The following NR3C1 variants were observed in gnomAD, a reference collection of about 807,000 sequenced individuals.
NR3C1 encodes nuclear receptor subfamily 3 group C member 1, also known as glucocorticoid receptor.
In NR3C1, 14 loss-of-function variants were observed where a neutral mutation model predicts 74.0. The observed-to-expected ratio is 0.19, with a 90% confidence interval of 0.12 to 0.30. NR3C1 has a LOEUF of 0.30. Among genes scored for constraint, NR3C1 ranks in the 10% least tolerant of loss-of-function variants. The probability of loss-of-function intolerance (pLI) is 1.00; values close to 1 mark genes in which losing one functional copy is unlikely to be tolerated. For missense variants in NR3C1, 695 were observed against 909.8 expected, an observed-to-expected ratio of 0.76 and a Z score of 3.04; for synonymous variants, 308 against 332.5, an observed-to-expected ratio of 0.93 and a Z score of 0.80.
intron 2 of NR3C1, among the ~76,000 whole-genome samples, chr5:143,392,519 GTTTT>G (rs200004760): frequency 4.9e-4 from 73 of 149,054 alleles, no homozygotes; most frequent in Admixed American, 3.0e-3. Flanking sequence ...AGGTTTCCTG[GTTTT>G]TTTTTTCTTT....
chr5:143,367,237 A>G (rs985386190), intron 2 of NR3C1, among the ~76,000 whole-genome samples: 1 of 152,236 alleles, frequency 6.6e-6, no homozygotes, highest in Admixed American at 6.5e-5. Context: ...AAAAGAAAAC[A>G]CTCAACAAAC....
chr5:143,386,033 A>G (rs1176121940), intron 2 of NR3C1, among the ~76,000 whole-genome samples: 1 of 152,230 alleles, frequency 6.6e-6, no homozygotes, highest in Non-Finnish European at 1.5e-5. Context: ...AACAGGAAGC[A>G]TTACTGGGAG....
chr5:143,368,864 C>T (rs1314723951), intron 2 of NR3C1, among the ~76,000 whole-genome samples: 1 of 152,156 alleles, frequency 6.6e-6, no homozygotes, highest in Non-Finnish European at 1.5e-5. Context: ...CAAGGGGCCA[C>T]AGCTGATGAA....
chr5:143,316,386 A>G (rs1822081074), intron 2 of NR3C1, among the ~76,000 whole-genome samples: 1 of 152,190 alleles, frequency 6.6e-6, no homozygotes, highest in Admixed American at 6.5e-5. Flanking sequence ...AAAGGTTAGG[A>G]CAGTATTCTG....
intron 2 of NR3C1, among the ~76,000 whole-genome samples, chr5:143,356,688 C>CAAA (rs34911720): frequency 6.8e-6 from 1 of 146,836 alleles, no homozygotes; most frequent in African/African-American, 2.5e-5. Context: ...TTGTATTTCT[C>CAAA]AAAAAAAAAA....
At chr5:143,393,881 A>G (rs1361452391) in intron 2 of NR3C1, among the ~76,000 whole-genome samples, 2 of 152,124 alleles carry the variant, frequency 1.3e-5, no homozygotes, top group Non-Finnish European at 2.9e-5. Flanking sequence ...TTTATTGTAA[A>G]AAGAAATAGT....
intron 1 of NR3C1, among the ~76,000 whole-genome samples, chr5:143,421,771 GA>G (rs1751245964): frequency 3.3e-5 from 5 of 151,088 alleles, no homozygotes; most frequent in Non-Finnish European, 7.4e-5. Context: ...CAGCCTGGGT[GA>G]CAGAGTGAGA....
At chr5:143,332,386 TAA>T (rs1385698612) in intron 2 of NR3C1, among the ~76,000 whole-genome samples, 1 of 108,874 alleles carries the variant, frequency 9.2e-6, no homozygotes, top group Non-Finnish European at 1.7e-5. Context: ...CTATAAGGAT[TAA>T]GAGTGTAACT....
upstream of NR3C1, among the ~76,000 whole-genome samples, chr5:143,405,491 C>T (rs189239853): frequency 2.0e-5 from 3 of 152,276 alleles, no homozygotes; most frequent in Admixed American, 2.0e-4. Flanking sequence ...TTCGCGATCG[C>T]GGGTAGCCTA....
chr5:143,408,267 ACT>A (rs1323806575), upstream of NR3C1, among the ~76,000 whole-genome samples: 2 of 152,160 alleles, frequency 1.3e-5, no homozygotes, highest in African/African-American at 2.4e-5. Context: ...GGGCAGGCTA[ACT>A]CTCTGTGCCT....
chr5:143,401,792 C>G (rs776793907), intron 1 of NR3C1, among the ~76,000 whole-genome samples: 1 of 152,120 alleles, frequency 6.6e-6, no homozygotes, highest in Non-Finnish European at 1.5e-5. Flanking sequence ...AACACAGAAC[C>G]GTAAAATCAC....
chr5:143,406,065 T>C (rs951598108), upstream of NR3C1, among the ~76,000 whole-genome samples: 1 of 151,996 alleles, frequency 6.6e-6, no homozygotes, highest in Non-Finnish European at 1.5e-5. Flanking sequence ...TGTACACTGC[T>C]TAAAATGATT....
chr5:143,306,879 T>C (rs1209522858), intron 4 of NR3C1, among the ~76,000 whole-genome samples: 2 of 2,882 alleles, frequency 6.9e-4, no homozygotes, highest in African/African-American at 1.2e-3. Flanking sequence ...CTTAAATTTT[T>C]TTTTTTTTTT....
At chr5:143,414,788 G>C (rs1474327394) in intron 1 of NR3C1, among the ~76,000 whole-genome samples, 2 of 152,174 alleles carry the variant, frequency 1.3e-5, no homozygotes, top group African/African-American at 4.8e-5. Context: ...TTATTGAATG[G>C]CTATTTTGTG....
intron 2 of NR3C1, among the ~76,000 whole-genome samples, chr5:143,389,276 A>C (rs1179984062): frequency 6.6e-6 from 1 of 152,158 alleles, no homozygotes; most frequent in East Asian, 1.9e-4. Context: ...GCTGCTGCCA[A>C]GTGCAATTAG....
chr5:143,404,417 A>G, upstream of NR3C1: 1 of 985,016 alleles, frequency 1.0e-6, no homozygotes, highest in Non-Finnish European at 1.2e-6. Flanking sequence ...GTCCCCCACC[A>G]CCGCATCATC....
intron 2 of NR3C1, among the ~76,000 whole-genome samples, chr5:143,339,546 C>A (rs1329354606): frequency 6.6e-6 from 1 of 151,922 alleles, no homozygotes. Context: ...TTTCAAAATC[C>A]TTTAATTTGA....
intron 2 of NR3C1, among the ~76,000 whole-genome samples, chr5:143,372,888 A>G (rs1834464604): frequency 6.6e-6 from 1 of 152,210 alleles, no homozygotes; most frequent in South Asian, 2.1e-4. Context: ...AATACCAAAA[A>G]AAGTTTTCCT....
chr5:143,394,270 C>T (rs960273408), intron 2 of NR3C1, among the ~76,000 whole-genome samples: 2 of 151,928 alleles, frequency 1.3e-5, no homozygotes, highest in African/African-American at 4.8e-5. Flanking sequence ...TGATAAAATT[C>T]GGGGATAACA....
Sources: gnomAD v4.1 joint callset for allele counts (sites outside exome capture counted in the v4.1 genomes callset) on GRCh38, gnomAD v4.1.1 for gene constraint, MANE v1.5 for transcripts, NCBI Gene and HGNC (gene_info 2026-07-23, HGNC 2026-07-21) for gene names.